The following SLC14A2 variants were observed in gnomAD, a reference collection of about 807,000 sequenced individuals.
SLC14A2 encodes solute carrier family 14 member 2.
A neutral mutation model predicts 104.6 loss-of-function variants in SLC14A2; 91 were observed. The ratio of observed to expected loss-of-function variants is 0.87; its 90% CI spans 0.73 to 1.04. SLC14A2 has a LOEUF of 1.04. SLC14A2 is among the 50% of genes least tolerant of loss of function. SLC14A2 has a pLI of 0.00. For synonymous variants in SLC14A2, 476 were observed against 466.4 expected, an observed-to-expected ratio of 1.02 and a Z score of -0.27; for missense variants, 1,189 against 1,156.0, an observed-to-expected ratio of 1.03 and a Z score of -0.41.
At chr18:45,179,309 T>C in the SLC14A2 span, among the ~76,000 whole-genome samples, 1 of 152,196 alleles carries the variant, frequency 6.6e-6, no homozygotes, top group Non-Finnish European at 1.5e-5. Flanking sequence ...TGGCCTTCTG[T>C]CATCGCACTG....
At chr18:45,441,136 G>A (rs1344278143) in intron 1 of SLC14A2, among the ~76,000 whole-genome samples, 1 of 152,038 alleles carries the variant, frequency 6.6e-6, no homozygotes, top group East Asian at 1.9e-4. Flanking sequence ...TTTCCACTTT[G>A]GCTGTCTTTG....
intron 1 of SLC14A2, among the ~76,000 whole-genome samples, chr18:45,412,914 G>T (rs1037500349): frequency 2.6e-5 from 4 of 152,118 alleles, no homozygotes; most frequent in African/African-American, 9.7e-5. Context: ...CAAGAATTTG[G>T]GACAAGTGTC....
the SLC14A2 span, among the ~76,000 whole-genome samples, chr18:45,206,678 A>G: frequency 2.0e-5 from 3 of 152,192 alleles, no homozygotes; most frequent in African/African-American, 7.2e-5. Context: ...CATTTTAAAG[A>G]CAAAATAATC....
chr18:45,603,793 C>CA (rs1295135273), intron 2 of SLC14A2, among the ~76,000 whole-genome samples: 1 of 152,096 alleles, frequency 6.6e-6, no homozygotes, highest in Non-Finnish European at 1.5e-5. Context: ...GCTTGTTTTT[C>CA]AAAAGAAGAT....
the SLC14A2 span, among the ~76,000 whole-genome samples, chr18:45,202,565 G>A: frequency 1.3e-5 from 2 of 152,104 alleles, no homozygotes; most frequent in African/African-American, 2.4e-5. Flanking sequence ...GCAAAGAGGA[G>A]GAGAATGAAA....
intron 2 of SLC14A2, among the ~76,000 whole-genome samples, chr18:45,567,362 A>C (rs929579747): frequency 6.6e-6 from 1 of 151,494 alleles, no homozygotes; most frequent in Non-Finnish European, 1.5e-5. Context: ...CCTGCATTTG[A>C]CCTCCCTACC....
intron 1 of SLC14A2, among the ~76,000 whole-genome samples, chr18:45,480,062 G>A (rs1310922422): frequency 6.6e-6 from 1 of 152,162 alleles, no homozygotes; most frequent in Non-Finnish European, 1.5e-5. Flanking sequence ...CATTTCAAAG[G>A]AAAGGGAGCC....
At chr18:45,286,718 T>TTGTGTG (rs112827861) in intron 1 of SLC14A2, among the ~76,000 whole-genome samples, 18 of 150,718 alleles carry the variant, frequency 1.2e-4, no homozygotes, top group Middle Eastern at 3.4e-3. Flanking sequence ...TCCCCCCAAC[T>TTGTGTG]TGTGTGTGTG....
chr18:45,489,341 T>A (rs2087675051), intron 2 of SLC14A2, among the ~76,000 whole-genome samples: 1 of 152,082 alleles, frequency 6.6e-6, no homozygotes. Context: ...GGAAAACCTG[T>A]CTCTACTAAA....
rs2043222592 is a variant in SLC14A2, at chr18:45,502,987, AT to A, written c.-35+19668del. 3.3e-5 allele frequency among the ~76,000 whole-genome samples: 5 copies of A among 152,052 alleles called. No individual in the cohort carries two copies. The South Asian group carries it at 1.0e-3, about 32-fold the overall frequency. On this transcript the variant is annotated intron_variant, in intron 2 of 20. Coordinates refer to the SLC14A2 transcript ENST00000586448. ...TGCTTCTACTGCTTGCAACAGGGAA[AT>A]TTATCACAAGAAGAAGGCATCATTT...
At chr18:45,439,140 A>ATTTT (rs2086643215) in intron 1 of SLC14A2, among the ~76,000 whole-genome samples, 1 of 152,194 alleles carries the variant, frequency 6.6e-6, no homozygotes, top group South Asian at 2.1e-4. Context: ...AAATTAAAAA[A>ATTTT]TTAGCTGGGC....
intron 1 of SLC14A2, among the ~76,000 whole-genome samples, chr18:45,221,222 T>G (rs2084058999): frequency 6.6e-6 from 1 of 152,174 alleles, no homozygotes; most frequent in Non-Finnish European, 1.5e-5. Context: ...TGGTCAAGAT[T>G]TTCTTCTTCT....
intron 16 of SLC14A2, among the ~76,000 whole-genome samples, chr18:45,670,106 C>A (rs1018467049): frequency 6.6e-6 from 1 of 152,150 alleles, no homozygotes; most frequent in Non-Finnish European, 1.5e-5. Flanking sequence ...CCATGAGACT[C>A]TATCTCCAAA....
At position 45,457,486 on chromosome 18, in the gene SLC14A2, C is replaced by T. The variant is rs368693551; in HGVS notation, c.-124-25747C>T. ...GCCTCAGTGTTGGTAGCTCATAGCT[C>T]GGGTAGCAAAGGGAGTTTCATAAAA... On this transcript the variant is annotated intron_variant, in intron 1 of 20. Transcript: ENST00000586448. Among the ~76,000 whole-genome samples, 4 of 152,064 alleles carry T rather than the reference C, an allele frequency of 2.6e-5. 1 individual carries two copies. In the East Asian group the frequency reaches 7.7e-4, roughly 29 times the overall value.
chr18:45,206,955 A>G, the SLC14A2 span, among the ~76,000 whole-genome samples: 1 of 152,228 alleles, frequency 6.6e-6, no homozygotes, highest in South Asian at 2.1e-4. Flanking sequence ...TCATCCTATC[A>G]GAGAATGTGT....
intron 2 of SLC14A2, among the ~76,000 whole-genome samples, chr18:45,591,943 T>C (rs1401394501): frequency 2.0e-5 from 3 of 152,118 alleles, no homozygotes; most frequent in Non-Finnish European, 4.4e-5. Flanking sequence ...CATGCAGAGT[T>C]TTTGGAGCCC....
chr18:45,275,634 G>T (rs550818567), intron 1 of SLC14A2, among the ~76,000 whole-genome samples: 1 of 152,298 alleles, frequency 6.6e-6, no homozygotes, highest in African/African-American at 2.4e-5. Flanking sequence ...ACTTAAAATT[G>T]TGCATGCTTA....
At chr18:45,437,117 T>G (rs576245809) in intron 1 of SLC14A2, among the ~76,000 whole-genome samples, 1 of 152,340 alleles carries the variant, frequency 6.6e-6, no homozygotes, top group African/African-American at 2.4e-5. Flanking sequence ...GACGCACGCA[T>G]GAGTGCGCAT....
chr18:45,557,048 T>C (rs542821347), intron 2 of SLC14A2, among the ~76,000 whole-genome samples: 3 of 152,348 alleles, frequency 2.0e-5, no homozygotes, highest in East Asian at 3.9e-4. Flanking sequence ...ATAGGGTAAG[T>C]GTTCAAGAAA....
Sources: gnomAD v4.1 joint callset for allele counts (sites outside exome capture counted in the v4.1 genomes callset) on GRCh38, gnomAD v4.1.1 for gene constraint, MANE v1.5 for transcripts, NCBI Gene and HGNC (gene_info 2026-07-23, HGNC 2026-07-21) for gene names.